PCSK5: variants seen among roughly 807,000 people sequenced by gnomAD.
The protein encoded by PCSK5 is prohormone convertase 5.
Under a neutral mutation model 233.2 loss-of-function variants are expected in PCSK5, and 129 were observed. The observed-to-expected ratio is 0.55, with a 90% CI of 0.48 to 0.64. The LOEUF is 0.64. Ranked by LOEUF, PCSK5 falls within the 30% of genes least tolerant of loss-of-function variation. PCSK5 has a pLI of 0.00. For missense variants in PCSK5, 2,076 were observed against 2,430.1 expected (o/e 0.85, Z 3.06); for synonymous variants, 825 against 879.2 (o/e 0.94, Z 1.09).
Position 76,358,980 on chromosome 9 carries a change from C to T in PCSK5, c.*58C>T. On this transcript the variant is annotated 3_prime_UTR_variant, in exon 38 of 38. Coordinates refer to ENST00000674117, the MANE Select transcript of PCSK5 (RefSeq NM_001372043.1). ...CTCTCAGGCATGCCTGTGAGCATCA[C>T]TGTTTTTGGTTTTATCCCCACACCA... is the stretch of plus-strand genomic sequence containing the variant. The T allele has an allele frequency of 6.6e-7, 1 of 1,519,316 alleles. No individual in the cohort carries two copies. The highest frequency in any genetic ancestry group is 1.8e-4 in the Middle Eastern group (1 of 5,546). The allele number at this position is 1,519,316 out of a possible 1,614,324, so 94.1% of individuals were successfully genotyped here. A position where few individuals can be genotyped will look rare whatever the true frequency, so the allele number is the denominator to read the frequency against.
intron 24 of PCSK5, among the ~76,000 whole-genome samples, chr9:76,291,280 G>A (rs1025216680): frequency 6.6e-6 from 1 of 152,206 alleles, no homozygotes; most frequent in Non-Finnish European, 1.5e-5. Flanking sequence ...AAAACCAGAA[G>A]AGGGCAGAAT....
At chr9:76,193,421 C>CAA (rs1824516856) in intron 20 of PCSK5, 1 of 843,762 alleles carries the variant, frequency 1.2e-6, no homozygotes, top group African/African-American at 2.6e-5. Flanking sequence ...AAGAAAAAAG[C>CAA]CAAAAAGAAA....
intron 2 of PCSK5, among the ~76,000 whole-genome samples, chr9:75,968,540 T>A (rs1385415484): frequency 1.3e-5 from 2 of 152,132 alleles, no homozygotes; most frequent in African/African-American, 4.8e-5. Flanking sequence ...GAGATAAACA[T>A]AGTGTGCTCT....
At position 75,891,034 on chromosome 9, in the gene PCSK5, C is replaced by A; in HGVS notation, c.-148C>A. 1 of 646,704 alleles carries A rather than the reference C, an allele frequency of 1.5e-6. No homozygotes were observed. The highest frequency in any genetic ancestry group is 2.3e-6 in the Non-Finnish European group (1 of 428,118). 40.1% of individuals were successfully genotyped at this position (646,704 alleles called of 1,614,324 possible). On this transcript the variant is annotated 5_prime_UTR_variant, in exon 1 of 38. Transcript: ENST00000674117. ...CTCGCTGCTCTGCTCCCTGCCGGGG[C>A]TAGCCGCCTCCTGCCGATCGCCCGG...
intron 9 of PCSK5, among the ~76,000 whole-genome samples, chr9:76,114,706 GT>G (rs57974230): frequency 0.17 from 25,316 of 152,030 alleles, 3,522 homozygotes; most frequent in African/African-American, 0.39. Flanking sequence ...TTTGAAAAAT[GT>G]TATTAGTCAC....
intron 36 of PCSK5, among the ~76,000 whole-genome samples, chr9:76,351,438 TGAAAGAAAG>T (rs1444227350): frequency 3.4e-5 from 1 of 29,498 alleles, no homozygotes; most frequent in Non-Finnish European, 7.7e-5. Flanking sequence ...CCCTGCAATG[TGAAAGAAAG>T]GAAAGAAAGA....
Position 76,068,458 on chromosome 9 carries a change from T to G in PCSK5, c.721+415T>G, listed in dbSNP as rs184341115. ...GAAAATCCTGGTTTTTTGTTTTTGT[T>G]TTTTTTCCTTTGGCTTAGGCTTTTA... On this transcript the variant is annotated intron_variant, in intron 6 of 37. Coordinates refer to ENST00000674117, the MANE Select transcript of PCSK5 (RefSeq NM_001372043.1). Among the ~76,000 whole-genome samples, 948 of 152,284 alleles carry G rather than the reference T, an allele frequency of 6.2e-3. 6 individuals are homozygous for G. The highest frequency in any genetic ancestry group is 9.3e-3 in the Non-Finnish European group (636 of 68,026).
At chr9:76,297,707 T>C (rs1384362000) in intron 27 of PCSK5, among the ~76,000 whole-genome samples, 1 of 152,228 alleles carries the variant, frequency 6.6e-6, no homozygotes, top group African/African-American at 2.4e-5. Flanking sequence ...GCTCTTCATT[T>C]GATTTCGAGG....
intron 10 of PCSK5, among the ~76,000 whole-genome samples, chr9:76,149,423 C>T (rs1823575693): frequency 6.6e-6 from 1 of 152,100 alleles, no homozygotes; most frequent in African/African-American, 2.4e-5. Context: ...TTCTCTATTC[C>T]CTTATCTTAG....
chr9:76,034,048 T>G (rs1477534444), intron 5 of PCSK5, among the ~76,000 whole-genome samples: 2 of 152,210 alleles, frequency 1.3e-5, no homozygotes, highest in Non-Finnish European at 2.9e-5. Context: ...TCACGATGCA[T>G]TACACTGAAG....
chr9:75,911,681 G>T (rs1437329915), intron 1 of PCSK5, among the ~76,000 whole-genome samples: 3 of 152,132 alleles, frequency 2.0e-5, no homozygotes, highest in Non-Finnish European at 4.4e-5. Flanking sequence ...GTCTAGGATG[G>T]CTTCACTCAC....
intron 35 of PCSK5, among the ~76,000 whole-genome samples, chr9:76,342,056 C>T (rs1264501919): frequency 6.6e-6 from 1 of 152,168 alleles, no homozygotes; most frequent in Non-Finnish European, 1.5e-5. Context: ...TACCATTTTG[C>T]ATTTATATTT....
intron 20 of PCSK5, among the ~76,000 whole-genome samples, chr9:76,217,912 C>G (rs142002428): frequency 6.6e-6 from 1 of 152,294 alleles, no homozygotes; most frequent in East Asian, 1.9e-4. Flanking sequence ...CACCCCCATC[C>G]ATACAAACGC....
At chr9:75,908,815 C>CATCTATCT (rs202004678) in intron 1 of PCSK5, among the ~76,000 whole-genome samples, 238 of 151,842 alleles carry the variant, frequency 1.6e-3, no homozygotes, top group African/African-American at 4.3e-3. Flanking sequence ...TCTTACATGC[C>CATCTATCT]ATCTATCTAT....
chr9:76,203,244 T>C (rs1247535692), intron 20 of PCSK5, among the ~76,000 whole-genome samples: 1 of 152,056 alleles, frequency 6.6e-6, no homozygotes. Flanking sequence ...AAGCCAATGC[T>C]TTAGGACCCT....
At chr9:76,295,806 C>G (rs1828420367) in intron 26 of PCSK5, among the ~76,000 whole-genome samples, 1 of 152,166 alleles carries the variant, frequency 6.6e-6, no homozygotes, top group Admixed American at 6.5e-5. Flanking sequence ...AACAAGATCC[C>G]TTGCCTTAGG....
intron 1 of PCSK5, among the ~76,000 whole-genome samples, chr9:75,893,755 T>A: frequency 6.6e-6 from 1 of 152,170 alleles, no homozygotes; most frequent in East Asian, 1.9e-4. Flanking sequence ...CCAAGGATGA[T>A]TTATTGTGGT....
chr9:76,238,588 C>T (rs1054741641), intron 22 of PCSK5, among the ~76,000 whole-genome samples: 1 of 152,154 alleles, frequency 6.6e-6, no homozygotes, highest in African/African-American at 2.4e-5. Flanking sequence ...TCTCTATAGC[C>T]CCCAAGTCTG....
At chr9:76,037,180 C>T (rs1018269114) in intron 5 of PCSK5, among the ~76,000 whole-genome samples, 4 of 152,070 alleles carry the variant, frequency 2.6e-5, no homozygotes, top group African/African-American at 7.2e-5. Context: ...CAGCCACCAT[C>T]GCTTGCAGAG....
Sources: allele counts gnomAD v4.1 joint callset (sites outside exome capture counted in the v4.1 genomes callset), GRCh38; gene constraint gnomAD v4.1.1; transcripts MANE v1.5; gene names NCBI Gene and HGNC (gene_info 2026-07-23, HGNC 2026-07-21).